The following ABTB2 variants were observed in gnomAD, a reference collection of about 807,000 sequenced individuals.
The protein encoded by ABTB2 is ankyrin repeat and BTB domain containing 2.
ABTB2 carries 56 observed loss-of-function variants against 104.1 expected under a neutral mutation model. That is an observed-to-expected ratio of 0.54 (90% CI 0.43 to 0.67). The LOEUF (loss-of-function observed/expected upper bound fraction) is 0.67. Ranked by LOEUF, ABTB2 falls within the 30% of genes least tolerant of loss-of-function variation. The pLI, the probability that ABTB2 is intolerant of heterozygous loss-of-function variation, is 0.00. For missense variants in ABTB2, 1,279 were observed against 1,407.7 expected, an observed-to-expected ratio of 0.91 and a Z score of 1.46; for synonymous variants, 606 against 608.2, an observed-to-expected ratio of 1.00 and a Z score of 0.05.
chr11:34,353,349 TG>T, intron 1 of ABTB2, among the ~76,000 whole-genome samples: 1 of 151,958 alleles, frequency 6.6e-6, no homozygotes, highest in Admixed American at 6.6e-5. Context: ...AACTCACCTA[TG>T]GGAAGTGATG....
At chr11:34,167,226 G>T in intron 7 of ABTB2, 33 bp downstream of exon 7, 1 of 1,562,850 alleles carries the variant, frequency 6.4e-7, no homozygotes, top group South Asian at 1.2e-5. Flanking sequence ...CTGGTAAGCT[G>T]GGGGGCATGG....
chr11:34,214,887 T>C (rs1853531251), intron 1 of ABTB2, among the ~76,000 whole-genome samples: 1 of 152,208 alleles, frequency 6.6e-6, no homozygotes, highest in African/African-American at 2.4e-5. Context: ...GGTTGTTTTA[T>C]AGAAATTTTA....
chr11:34,265,778 G>A (rs1565154593), intron 1 of ABTB2, among the ~76,000 whole-genome samples: 1 of 151,296 alleles, frequency 6.6e-6, no homozygotes, highest in South Asian at 2.1e-4. Context: ...AGACCAGCCT[G>A]GCCAACATGG....
At chr11:34,153,446 A>G (rs1852576508) in intron 16 of ABTB2, among the ~76,000 whole-genome samples, 1 of 152,118 alleles carries the variant, frequency 6.6e-6, no homozygotes, top group Admixed American at 6.5e-5. Flanking sequence ...ACAGCTCACT[A>G]CAGTCTCAAC....
At chr11:34,197,072 A>G (rs1484990639) in intron 3 of ABTB2, among the ~76,000 whole-genome samples, 2 of 152,212 alleles carry the variant, frequency 1.3e-5, no homozygotes, top group Non-Finnish European at 2.9e-5. Flanking sequence ...CAGACTGGGC[A>G]CAGAGGCAGA....
At chr11:34,300,368 TA>T (rs1288272784) in intron 1 of ABTB2, among the ~76,000 whole-genome samples, 8 of 152,232 alleles carry the variant, frequency 5.3e-5, no homozygotes, top group African/African-American at 1.9e-4. Flanking sequence ...CCCTACCATT[TA>T]GCTTGTTAGG....
In ABTB2 at chr11:34,279,826, T is replaced by C. The variant is rs1854429293; in HGVS notation, c.884-75136A>G. The stretch of plus-strand genomic sequence containing the variant: ...TTTTTGAGATGGAGTTTTGCTTTCG[T>C]CACCCAGGCTGGAGTGCAATGGTGC... On this transcript the variant is annotated intron_variant, in intron 1 of 16. Transcript: ENST00000435224. Among the ~76,000 whole-genome samples the C allele has an allele frequency of 2.0e-5, 3 of 147,624 alleles. No individual in the cohort carries two copies. The Admixed American group carries it at 2.1e-4, about 10-fold the overall frequency.
chr11:34,339,099 C>T (rs1381792404), intron 1 of ABTB2, among the ~76,000 whole-genome samples: 2 of 152,192 alleles, frequency 1.3e-5, no homozygotes, highest in Non-Finnish European at 2.9e-5. Flanking sequence ...TTAGTCACAT[C>T]ATCCCTGGGA....
intron 5 of ABTB2, 32 bp downstream of exon 5, chr11:34,170,874 G>A (rs763522328): frequency 2.7e-5 from 43 of 1,600,812 alleles, no homozygotes; most frequent in Admixed American, 6.8e-5. Context: ...TCTGGTCCTC[G>A]TGCCTGTCTT....
Position 34,173,408 on chromosome 11 carries a change from G to T in ABTB2, c.1245-101C>A, listed in dbSNP as rs1852913913. The T allele has an allele frequency of 3.6e-6, 5 of 1,392,584 alleles. No homozygotes were observed. The South Asian group carries it at 7.2e-5, about 20-fold the overall frequency. The allele number at this position is 1,392,584 out of a possible 1,614,324, so 86.3% of individuals were successfully genotyped here. The stretch of plus-strand genomic sequence containing the variant: ...AGGGTGCTTCTTGTGGGGCAGCAGA[G>T]AGAGGGTCAGTCCTAGGGTGGGGGG... On this transcript the variant is annotated intron_variant, in intron 3 of 16. Transcript: ENST00000435224.
intron 1 of ABTB2, among the ~76,000 whole-genome samples, chr11:34,291,782 C>T (rs1750721319): frequency 6.6e-6 from 1 of 152,188 alleles, no homozygotes; most frequent in African/African-American, 2.4e-5. Context: ...AGGCGTGAGC[C>T]ACCACGCCCG....
intron 1 of ABTB2, among the ~76,000 whole-genome samples, chr11:34,263,302 T>C (rs1854209987): frequency 1.3e-5 from 2 of 152,290 alleles, no homozygotes; most frequent in East Asian, 1.9e-4. Context: ...CTTTAGGTTC[T>C]GGTTAGAAAT....
intron 5 of ABTB2, 76 bp downstream of exon 5, chr11:34,170,830 G>C: frequency 1.3e-6 from 2 of 1,551,850 alleles, no homozygotes; most frequent in Middle Eastern, 1.9e-4. Flanking sequence ...TTAGGACAGA[G>C]GGCCGCCAAT....
At position 34,197,393 on chromosome 11, in the gene ABTB2, C is replaced by T. The variant is rs1021772842; in HGVS notation, c.1176G>A (p.Arg392=). ...DALHTLYYFL[R]CPQMESMENP... is the part of the protein sequence containing the mutation. Reference sequence around the variant, plus strand: ...TCTCCATGGACTCCATCTGTGGACACCGCAGAAAGTAGTAGAGCGTGTGGA... The same window carrying T: ...TCTCCATGGACTCCATCTGTGGACATCGCAGAAAGTAGTAGAGCGTGTGGA... The change falls in exon 3 of 17, where the codon CGG becomes CGA. Residue 392 remains arginine (R), a synonymous_variant. Transcript: ENST00000435224. 11 of 1,613,106 alleles carry T rather than the reference C, an allele frequency of 6.8e-6. No individual in the cohort carries two copies. Among genetic ancestry groups the T allele is most frequent in the Non-Finnish European group, 1.7e-6 (2 of 1,179,650 alleles).
rs745869888 is a variant in ABTB2, at chr11:34,154,790, T to G, written c.2698-21A>C. On this transcript the variant is annotated intron_variant, in intron 14 of 16. Transcript: ENST00000435224. The surrounding 1 kb of genome is among the most constrained non-coding windows in gnomAD (Gnocchi z 4.9). ...ATCATCTGTGGTGGGAAGAGGCCCA[T>G]GTGAATGCCACGTGAACCTGAGGCA... The G allele has an allele frequency of 6.2e-7, 1 of 1,613,074 alleles. No individual in the cohort carries two copies.
chr11:34,240,780 G>A (rs1853906574), intron 1 of ABTB2, among the ~76,000 whole-genome samples: 1 of 95,852 alleles, frequency 1.0e-5, no homozygotes, highest in African/African-American at 3.8e-5. Context: ...TTTTAGTGGA[G>A]AGGGGGGTTT....
chr11:34,245,412 C>A (rs550795483), intron 1 of ABTB2, among the ~76,000 whole-genome samples: 1 of 152,162 alleles, frequency 6.6e-6, no homozygotes, highest in Non-Finnish European at 1.5e-5. Flanking sequence ...TATCCACTTC[C>A]GGCATCTTTC....
chr11:34,293,789 A>G (rs930376781), intron 1 of ABTB2, among the ~76,000 whole-genome samples: 3 of 152,128 alleles, frequency 2.0e-5, no homozygotes, highest in Non-Finnish European at 4.4e-5. Context: ...CAATGGCACA[A>G]TCTCAGCTCA....
intron 7 of ABTB2, among the ~76,000 whole-genome samples, chr11:34,165,970 G>A (rs1192144610): frequency 6.6e-6 from 1 of 152,256 alleles, no homozygotes. Context: ...ATGCTAGCAA[G>A]GGCGGGCTTT....
Sources: gnomAD v4.1 joint callset for allele counts (sites outside exome capture counted in the v4.1 genomes callset) on GRCh38, gnomAD v4.1.1 for gene constraint, Gnocchi (gnomAD v3.1) non-coding constraint, MANE v1.5 for transcripts, NCBI Gene and HGNC (gene_info 2026-07-23, HGNC 2026-07-21) for gene names.